TP53BP1: variants seen among roughly 807,000 people sequenced by gnomAD.
TP53BP1 encodes TP53-binding protein 1.
In TP53BP1, 61 loss-of-function variants were observed where a neutral mutation model predicts 200.8. That is an observed-to-expected ratio of 0.30 (90% CI 0.25 to 0.38). The LOEUF (loss-of-function observed/expected upper bound fraction) is 0.38, where lower values mean the gene tolerates loss of function less well. Among genes scored for constraint, TP53BP1 ranks in the 10% least tolerant of loss-of-function variants. TP53BP1 has a pLI of 1.00. For synonymous variants in TP53BP1, 822 were observed against 844.3 expected, an observed-to-expected ratio of 0.97 and a Z score of 0.46; for missense variants, 2,144 against 2,371.9, an observed-to-expected ratio of 0.90 and a Z score of 2.00.
At chr15:43,475,285 G>A (rs1014920503) in intron 9 of TP53BP1, among the ~76,000 whole-genome samples, 4 of 152,226 alleles carry the variant, frequency 2.6e-5, no homozygotes, top group Non-Finnish European at 4.4e-5. Context: ...AAGTAAAACA[G>A]AGGAGCAGAA....
At chr15:43,416,597 G>T (rs2045270707) in intron 21 of TP53BP1, 181 bp from the exon 22 acceptor site, 1 of 500,746 alleles carries the variant, frequency 2.0e-6, no homozygotes. Context: ...GATATATGTA[G>T]CTACTACACT....
rs1362673804 is a variant in TP53BP1, at chr15:43,435,265, C to A, written c.3192-2588G>T. On this transcript the variant is annotated intron_variant, in intron 16 of 27. Transcript: ENST00000382044. ...GGTGACACACAGACCAAGACCCCAT[C>A]TCAAAAAAAAAAAAAAAAAAAAAAA... Among the ~76,000 whole-genome samples, 11 of 27,048 alleles carry A rather than the reference C, an allele frequency of 4.1e-4. No homozygotes were observed. The African/African-American group carries it at 4.6e-3, about 11-fold the overall frequency. The allele number at this position is 27,048 out of a possible 152,430, so 17.7% of individuals were successfully genotyped here. A position where few individuals can be genotyped will look rare whatever the true frequency, so the allele number is the denominator to read the frequency against.
intron 4 of TP53BP1, among the ~76,000 whole-genome samples, chr15:43,490,348 G>A (rs1333389267): frequency 2.6e-5 from 4 of 151,410 alleles, no homozygotes; most frequent in Non-Finnish European, 4.4e-5. Flanking sequence ...TCAGCCTCCC[G>A]AAGTGCTGGG....
In TP53BP1 at chr15:43,449,008, T is replaced by C. The variant is rs1198058467; in HGVS notation, c.2717-1523A>G. ...TGGGTGTAGTGGCAGGTGCCTGTAA[T>C]CCCAGCTACTCAGGAGGCTGAGGCA... On this transcript the variant is annotated intron_variant, in intron 12 of 27. Coordinates refer to ENST00000382044, the MANE Select transcript of TP53BP1 (RefSeq NM_001141980.3). Among the ~76,000 whole-genome samples, 6 of 150,960 alleles carry C rather than the reference T, an allele frequency of 4.0e-5. No homozygotes were observed. In the East Asian group the frequency reaches 1.2e-3, roughly 30 times the overall value.
In TP53BP1 at chr15:43,420,563, C is replaced by A. The variant is rs2045370721; in HGVS notation, c.4423G>T (p.Ala1475Ser). The A allele has an allele frequency of 1.2e-6, 2 of 1,614,202 alleles. No individual in the cohort carries two copies. The highest frequency in any genetic ancestry group is 4.5e-5 in the East Asian group (2 of 44,884). The change falls in exon 21 of 28, where the codon GCT (alanine) becomes TCT (serine). Residue 1475 changes from alanine to serine, a missense_variant. Around this residue, in one of 4 missense-constraint regions of TP53BP1, gnomAD observed 49 missense variants for 60.7 expected, o/e 0.81. Coordinates refer to ENST00000382044, the MANE Select transcript of TP53BP1 (RefSeq NM_001141980.3). ...TCTAAGCCATCAGAAGGGCCAGCAGCAGCCTGGAAAGGAATTTCTGGAGAG... is the reference window on the plus strand; with the variant it reads ...TCTAAGCCATCAGAAGGGCCAGCAGAAGCCTGGAAAGGAATTTCTGGAGAG... ...SDSPEIPFQA[A>S]AGPSDGLDAS...
Position 43,409,749 on chromosome 15 carries a change from A to T in TP53BP1, c.5306-8T>A, listed in dbSNP as rs202074096. The T allele has an allele frequency of 2.6e-5, 14 of 537,796 alleles. No individual in the cohort carries two copies. Among genetic ancestry groups the T allele is most frequent in the South Asian group, 1.5e-4 (4 of 25,946 alleles). 33.3% of individuals were successfully genotyped at this position (537,796 alleles called of 1,614,324 possible). On this transcript the variant is annotated splice_polypyrimidine_tract_variant and splice_region_variant and intron_variant, in intron 24 of 27. Transcript: ENST00000382044. ...GAGGAATTTCCAAAAATTCTATATTAAAAAAAAAAACCAAGATAATAATTA... is the reference window on the plus strand; with the variant it reads ...GAGGAATTTCCAAAAATTCTATATTTAAAAAAAAAACCAAGATAATAATTA...
rs573994137 is a variant in TP53BP1, at chr15:43,452,966, G to A, written c.2716+2926C>T. Among the ~76,000 whole-genome samples, 17 of 152,002 alleles carry A rather than the reference G, an allele frequency of 1.1e-4. No homozygotes were observed. The East Asian group carries it at 2.9e-3, about 26-fold the overall frequency. On this transcript the variant is annotated intron_variant, in intron 12 of 27. Coordinates refer to ENST00000382044, the MANE Select transcript of TP53BP1 (RefSeq NM_001141980.3). ...TCCCAGCACTTTGGGAGGCCGAGGC[G>A]GGCGGATCACGAGGTCAGGAGATCG...
rs1221913331 is a variant in TP53BP1 at position 43,456,508 on chromosome 15, T to A, written c.2100A>T (p.Glu700Asp). The A allele has an allele frequency of 6.3e-7, 1 of 1,592,874 alleles. No individual in the cohort carries two copies. Among genetic ancestry groups the A allele is most frequent in the African/African-American group, 1.4e-5 (1 of 74,052 alleles). ...GAAGACACAACCCTTGGGACTGAGT[T>A]TCAGTCAGAGAAAGGTGCAACGGAA... is the stretch of plus-strand genomic sequence containing the variant. ...ESVPLHLSLT[E>D]TQSQGLCLQK... Residue 700 changes from glutamate to aspartate, a missense_variant, in exon 12 of 28, where the codon GAA (glutamate) becomes GAT (aspartate). By Grantham distance (45) the Glu-to-Asp change is conservative. This residue lies in a region of TP53BP1 where 1,700 missense variants were observed against 1,710.3 expected (regional missense o/e 0.99). Coordinates refer to ENST00000382044, the MANE Select transcript of TP53BP1 (RefSeq NM_001141980.3).
chr15:43,492,913 T>TC, intron 1 of TP53BP1, 124 bp downstream of exon 1: 1 of 388,458 alleles, frequency 2.6e-6, no homozygotes, highest in Non-Finnish European at 4.1e-6. Flanking sequence ...CTTAGGGCCC[T>TC]CCAACCCCTT....
At chr15:43,468,872 ACC>A (rs1205097095) in intron 11 of TP53BP1, among the ~76,000 whole-genome samples, 43 of 152,214 alleles carry the variant, frequency 2.8e-4, no homozygotes, top group African/African-American at 1.0e-3. Context: ...TAATAACGCT[ACC>A]AAATTCTAAT....
intron 18 of TP53BP1, among the ~76,000 whole-genome samples, chr15:43,425,377 C>T (rs1032751499): frequency 6.6e-6 from 1 of 152,168 alleles, no homozygotes; most frequent in African/African-American, 2.4e-5. Flanking sequence ...AATCCCATTG[C>T]CTTGGGAGGC....
chr15:43,409,057 G>T lies in TP53BP1; in HGVS notation c.5440C>A (p.His1814Asn). 1 of 1,614,200 alleles carries T rather than the reference G, an allele frequency of 6.2e-7. No homozygotes were observed. Among genetic ancestry groups the T allele is most frequent in the Non-Finnish European group, 8.5e-7 (1 of 1,180,034 alleles). The stretch of plus-strand genomic sequence containing the variant: ...AGGAAGTACTTCCGGGTTCGACAAT[G>T]CTGATCCGCAATTAGAAGACACTGG... ...AYQCLLIADQ[H>N]CRTRKYFLCL... The change falls in exon 26 of 28, where the codon CAT (histidine) becomes AAT (asparagine). Residue 1814 changes from histidine to asparagine, a missense_variant. Coordinates refer to ENST00000382044, the MANE Select transcript of TP53BP1 (RefSeq NM_001141980.3).
chr15:43,463,574 T>C (rs1373245512), intron 11 of TP53BP1, among the ~76,000 whole-genome samples: 1 of 152,022 alleles, frequency 6.6e-6, no homozygotes, highest in African/African-American at 2.4e-5. Flanking sequence ...CATTAAGTAA[T>C]GGTAAAGGGA....
intron 1 of TP53BP1, 90 bp downstream of exon 1, chr15:43,492,947 C>G: frequency 1.4e-6 from 2 of 1,471,406 alleles, no homozygotes; most frequent in South Asian, 2.3e-5. Context: ...GCCATGCTTG[C>G]CACCCCGCCC....
In TP53BP1 at chr15:43,447,501, AAAAG is replaced by A; in HGVS notation, c.2717-20_2717-17del. 3 of 1,485,814 alleles carry A rather than the reference AAAAG, an allele frequency of 2.0e-6. No homozygotes were observed. The highest frequency in any genetic ancestry group is 2.7e-6 in the Non-Finnish European group (3 of 1,113,182). The allele number at this position is 1,485,814 out of a possible 1,614,324, so 92.0% of individuals were successfully genotyped here. A position where few individuals can be genotyped will look rare whatever the true frequency, so the allele number is the denominator to read the frequency against. On this transcript the variant is annotated splice_polypyrimidine_tract_variant and intron_variant, in intron 12 of 27. Coordinates refer to ENST00000382044, the MANE Select transcript of TP53BP1 (RefSeq NM_001141980.3). ...AATGGGGTTTCTGAAAAAAAAAAAA[AAAAG>A]AAAAAAGAAAGAAAGAAAAAATGAT... is the stretch of plus-strand genomic sequence containing the variant.
intron 4 of TP53BP1, among the ~76,000 whole-genome samples, chr15:43,482,753 G>T (rs1292147173): frequency 2.6e-5 from 4 of 151,632 alleles, no homozygotes; most frequent in African/African-American, 9.7e-5. Context: ...GGGAGACATG[G>T]CGAGACTCCG....
intron 4 of TP53BP1, among the ~76,000 whole-genome samples, chr15:43,486,120 T>C (rs746030959): frequency 6.6e-6 from 1 of 151,844 alleles, no homozygotes; most frequent in Admixed American, 6.6e-5. Flanking sequence ...CTCACGCCCG[T>C]AATCCCAGCA....
chr15:43,404,618 C>G lies in TP53BP1; in HGVS notation c.*2765G>C. ...TGGCTTTTTAATGAGTTGTAGAATT[C>G]TAGAACTGGAAGAAGACTTTAGTCC... On this transcript the variant is annotated 3_prime_UTR_variant, in exon 28 of 28. Coordinates refer to ENST00000382044, the MANE Select transcript of TP53BP1 (RefSeq NM_001141980.3). 2 of 1,552,006 alleles carry G rather than the reference C, an allele frequency of 1.3e-6. No individual in the cohort carries two copies. Among genetic ancestry groups the G allele is most frequent in the Non-Finnish European group, 1.8e-6 (2 of 1,137,864 alleles).
chr15:43,465,738 A>G (rs1566951235), intron 11 of TP53BP1, among the ~76,000 whole-genome samples: 1 of 152,224 alleles, frequency 6.6e-6, no homozygotes, highest in Non-Finnish European at 1.5e-5. Flanking sequence ...GGATTCCAGT[A>G]AAGAAAAACC....
Sources: allele counts gnomAD v4.1 joint callset (sites outside exome capture counted in the v4.1 genomes callset), GRCh38; gene constraint gnomAD v4.1.1; regional missense constraint gnomAD v4.1.1; transcripts MANE v1.5; gene names NCBI Gene and HGNC (gene_info 2026-07-23, HGNC 2026-07-21).